The following ZDHHC3 variants were observed in gnomAD, a reference collection of about 807,000 sequenced individuals.
ZDHHC3 encodes the protein palmitoyltransferase ZDHHC3.
Under a neutral mutation model 30.6 loss-of-function variants are expected in ZDHHC3, and 9 were observed. The ratio of observed to expected loss-of-function variants is 0.29; its 90% CI spans 0.18 to 0.51. The LOEUF is 0.51. ZDHHC3 is among the 20% of genes least tolerant of loss of function. The pLI is 0.97. For synonymous variants in ZDHHC3, 136 were observed against 140.2 expected (o/e 0.97, Z 0.21); for missense variants, 246 against 384.2 (o/e 0.64, Z 3.01).
intron 1 of ZDHHC3, among the ~76,000 whole-genome samples, chr3:44,965,309 C>T (rs1704843279): frequency 6.6e-6 from 1 of 152,126 alleles, no homozygotes; most frequent in African/African-American, 2.4e-5. Flanking sequence ...CACTGACAGA[C>T]ACAAATATAC....
At position 44,917,639 on chromosome 3, in the gene ZDHHC3, G is replaced by C. The variant is rs567670214; in HGVS notation, c.*9050C>G. 3.4e-5 allele frequency: 11 copies of C among 326,502 alleles called. No homozygotes were observed. In the East Asian group the frequency reaches 8.1e-4, roughly 24 times the overall value. The allele number at this position is 326,502 out of a possible 1,614,324, so 20.2% of individuals were successfully genotyped here. A position where few individuals can be genotyped will look rare whatever the true frequency, so the allele number is the denominator to read the frequency against. The stretch of plus-strand genomic sequence containing the variant: ...CTTGGAGAACGGTTCTTGATGAGCC[G>C]TCTCAGTGCAGACTCTTCTTAGATG... On this transcript the variant is annotated 3_prime_UTR_variant, in exon 7 of 7. Coordinates refer to ENST00000424952, the MANE Select transcript of ZDHHC3 (RefSeq NM_001135179.2).
rs1465915793 is a variant in ZDHHC3 at position 44,924,729 on chromosome 3, A to T, written c.*1960T>A. On this transcript the variant is annotated 3_prime_UTR_variant, in exon 7 of 7. Transcript: ENST00000424952. ...GCTGTAGCCCTGCTCTAGTTATTTA[A>T]TACAATAACACTTCTTTCATACACC... 1 of 985,348 alleles carries T rather than the reference A, an allele frequency of 1.0e-6. No homozygotes were observed. Among genetic ancestry groups the T allele is most frequent in the Non-Finnish European group, 1.2e-6 (1 of 829,944 alleles). 61.0% of individuals were successfully genotyped at this position (985,348 alleles called of 1,614,324 possible). A position where few individuals can be genotyped will look rare whatever the true frequency, so the allele number is the denominator to read the frequency against.
Position 44,934,038 on chromosome 3 carries a change from C to T in ZDHHC3, c.432-54G>A, listed in dbSNP as rs545124698. 429 of 1,561,076 alleles carry T rather than the reference C, an allele frequency of 2.7e-4. 3 individuals carry two copies. The highest frequency in any genetic ancestry group is 2.5e-3 in the African/African-American group (185 of 73,976). ...GGGCATCCCCATGGTGTTGGGAGGG[C>T]CCCGGGGGAACGCAGAACCCATGGC... On this transcript the variant is annotated intron_variant, in intron 3 of 6. Coordinates refer to ENST00000424952, the MANE Select transcript of ZDHHC3 (RefSeq NM_001135179.2).
At chr3:44,951,825 T>C (rs1220967590) in intron 2 of ZDHHC3, among the ~76,000 whole-genome samples, 3 of 152,296 alleles carry the variant, frequency 2.0e-5, no homozygotes, top group Admixed American at 2.0e-4. Flanking sequence ...AGTCAATTCT[T>C]AGCCCTTGTC....
At chr3:44,932,849 G>A in intron 5 of ZDHHC3, 2 of 1,557,346 alleles carry the variant, frequency 1.3e-6, no homozygotes, top group Non-Finnish European at 1.8e-6. Flanking sequence ...CTTGGGGCCT[G>A]CATTCTCCCT....
At chr3:44,967,835 T>C (rs1705083215) in intron 1 of ZDHHC3, among the ~76,000 whole-genome samples, 1 of 152,242 alleles carries the variant, frequency 6.6e-6, no homozygotes, top group South Asian at 2.1e-4. Context: ...TTTTGACATT[T>C]TGTTGAAAAC....
chr3:44,950,027 G>A (rs974456774), intron 2 of ZDHHC3, among the ~76,000 whole-genome samples: 1 of 152,126 alleles, frequency 6.6e-6, no homozygotes, highest in Admixed American at 6.5e-5. Flanking sequence ...TAGAGACAGG[G>A]TCTCACTATG....
intron 3 of ZDHHC3, among the ~76,000 whole-genome samples, chr3:44,936,224 A>C (rs899521016): frequency 6.6e-6 from 1 of 152,258 alleles, no homozygotes; most frequent in Non-Finnish European, 1.5e-5. Context: ...TCAAAAGAAG[A>C]CATACATGTG....
chr3:44,937,053 C>G (rs1702028506), intron 3 of ZDHHC3, among the ~76,000 whole-genome samples: 1 of 151,998 alleles, frequency 6.6e-6, no homozygotes, highest in Admixed American at 6.6e-5. Context: ...GAATTCTAGT[C>G]TCCTTTTTAT....
Position 44,922,536 on chromosome 3 carries a change from G to T in ZDHHC3, c.*4153C>A. The T allele has an allele frequency of 2.0e-6, 2 of 985,394 alleles. No homozygotes were observed. The highest frequency in any genetic ancestry group is 2.4e-6 in the Non-Finnish European group (2 of 829,920). 61.0% of individuals were successfully genotyped at this position (985,394 alleles called of 1,614,324 possible). ...GGAAGGCAGTCTCAGTGGCTTCTCCGCGGAGGGAACACGTGCCTGTCTCAC... is the reference window on the plus strand; with the variant it reads ...GGAAGGCAGTCTCAGTGGCTTCTCCTCGGAGGGAACACGTGCCTGTCTCAC... On this transcript the variant is annotated 3_prime_UTR_variant, in exon 7 of 7. Transcript: ENST00000424952.
Position 44,933,107 on chromosome 3 carries a change from C to T in ZDHHC3, c.610+11G>A, listed in dbSNP as rs1008175903. The T allele has an allele frequency of 1.9e-6, 3 of 1,614,016 alleles. No individual in the cohort carries two copies. Among genetic ancestry groups the T allele is most frequent in the African/African-American group, 2.7e-5 (2 of 74,928 alleles). ...CCTGGAGCAGGGAGGAAAGCCTCAGCACATACTCACTTGTCCAATCTTCTT... is the reference window on the plus strand; with the variant it reads ...CCTGGAGCAGGGAGGAAAGCCTCAGTACATACTCACTTGTCCAATCTTCTT... On this transcript the variant is annotated intron_variant, in intron 5 of 6. Coordinates refer to ENST00000424952, the MANE Select transcript of ZDHHC3 (RefSeq NM_001135179.2).
chr3:44,934,872 A>C (rs1439157944), intron 3 of ZDHHC3, among the ~76,000 whole-genome samples: 5 of 150,408 alleles, frequency 3.3e-5, no homozygotes, highest in Admixed American at 6.6e-5. Flanking sequence ...AGCCTGGACA[A>C]CAAGAGCAAA....
At chr3:44,927,666 G>A (rs190225464) in intron 6 of ZDHHC3, among the ~76,000 whole-genome samples, 1 of 152,242 alleles carries the variant, frequency 6.6e-6, no homozygotes, top group East Asian at 1.9e-4. Context: ...CTAAGTCTCA[G>A]GAAAAAACTG....
intron 1 of ZDHHC3, among the ~76,000 whole-genome samples, chr3:44,966,502 T>C (rs1180743241): frequency 6.6e-6 from 1 of 152,196 alleles, no homozygotes; most frequent in Non-Finnish European, 1.5e-5. Context: ...TCAGCTGAAA[T>C]TCACTCTAAT....
At chr3:44,968,247 G>A (rs1705122434) in intron 1 of ZDHHC3, among the ~76,000 whole-genome samples, 1 of 151,968 alleles carries the variant, frequency 6.6e-6, no homozygotes, top group Non-Finnish European at 1.5e-5. Context: ...CTTCAACTTA[G>A]CTTTAGCATC....
At chr3:44,940,567 C>A (rs573730031) in intron 3 of ZDHHC3, among the ~76,000 whole-genome samples, 39 of 152,324 alleles carry the variant, frequency 2.6e-4, no homozygotes, top group African/African-American at 9.4e-4. Flanking sequence ...TGTGCAAAAA[C>A]AATCACAGAA....
chr3:44,974,105 T>A (rs895796675), intron 1 of ZDHHC3, among the ~76,000 whole-genome samples: 2 of 152,250 alleles, frequency 1.3e-5, no homozygotes, highest in Non-Finnish European at 2.9e-5. Flanking sequence ...GAATGATTAG[T>A]GAAGACTGTC....
In ZDHHC3 at chr3:44,923,017, T is replaced by C. The variant is rs1700713814; in HGVS notation, c.*3672A>G. On this transcript the variant is annotated 3_prime_UTR_variant, in exon 7 of 7. Coordinates refer to ENST00000424952, the MANE Select transcript of ZDHHC3 (RefSeq NM_001135179.2). ...CCATTAGCCTGGCTGAGAAAGCCCA[T>C]CCCAGCCCACCCGGAGAGGAGTTTC... The C allele has an allele frequency of 5.9e-6, 5 of 842,326 alleles. No individual in the cohort carries two copies. Among genetic ancestry groups the C allele is most frequent in the Non-Finnish European group, 7.1e-6 (5 of 699,372 alleles). 52.2% of individuals were successfully genotyped at this position (842,326 alleles called of 1,614,324 possible).
chr3:44,948,372 A>G (rs765669436), intron 2 of ZDHHC3, among the ~76,000 whole-genome samples: 2 of 152,224 alleles, frequency 1.3e-5, no homozygotes, highest in Non-Finnish European at 2.9e-5. Context: ...AGTGCTGGAA[A>G]TGCAAGGGAG....
Sources: gnomAD v4.1 joint callset for allele counts (sites outside exome capture counted in the v4.1 genomes callset) on GRCh38, gnomAD v4.1.1 for gene constraint, MANE v1.5 for transcripts, NCBI Gene and HGNC (gene_info 2026-07-23, HGNC 2026-07-21) for gene names.